SNTB2: variants seen among roughly 807,000 people sequenced by gnomAD.
SNTB2 encodes beta-2-syntrophin.
In SNTB2, 34 loss-of-function variants were observed where a neutral mutation model predicts 46.2. The ratio of observed to expected loss-of-function variants is 0.74; its 90% CI spans 0.56 to 0.98. The LOEUF is 0.98. SNTB2 is among the 50% of genes least tolerant of loss of function. The pLI, the probability that SNTB2 is intolerant of heterozygous loss-of-function variation, is 0.00. For synonymous variants in SNTB2, 290 were observed against 312.6 expected, an observed-to-expected ratio of 0.93 and a Z score of 0.76; for missense variants, 603 against 731.4, an observed-to-expected ratio of 0.82 and a Z score of 2.02.
At chr16:69,292,376 ATATTATAT>A in intron 5 of SNTB2, among the ~76,000 whole-genome samples, 1 of 39,608 alleles carries the variant, frequency 2.5e-5, no homozygotes, top group African/African-American at 1.1e-4. Context: ...ATATATATAT[ATATTATAT>A]ATATATTATA....
At chr16:69,191,956 T>A (rs1964059167) in intron 1 of SNTB2, among the ~76,000 whole-genome samples, 1 of 152,128 alleles carries the variant, frequency 6.6e-6, no homozygotes, top group East Asian at 1.9e-4. Context: ...TTGTTTTAAA[T>A]GGGAAAATAA....
intron 1 of SNTB2, among the ~76,000 whole-genome samples, chr16:69,243,901 A>G (rs753119273): frequency 6.6e-6 from 1 of 152,196 alleles, no homozygotes; most frequent in Non-Finnish European, 1.5e-5. Context: ...TTTTATTATT[A>G]TACTTAATTT....
At chr16:69,248,145 A>G (rs1451344023) in intron 2 of SNTB2, among the ~76,000 whole-genome samples, 2 of 152,190 alleles carry the variant, frequency 1.3e-5, no homozygotes, top group African/African-American at 4.8e-5. Context: ...TTAACTGACT[A>G]CTATGTAAAC....
At chr16:69,274,699 C>T (rs569877728) in intron 4 of SNTB2, among the ~76,000 whole-genome samples, 3 of 151,208 alleles carry the variant, frequency 2.0e-5, no homozygotes, top group Middle Eastern at 3.4e-3. Flanking sequence ...TGCCATGGCA[C>T]GTGCCTGTAA....
chr16:69,216,129 A>G (rs1964344960), intron 1 of SNTB2, among the ~76,000 whole-genome samples: 1 of 152,178 alleles, frequency 6.6e-6, no homozygotes, highest in Non-Finnish European at 1.5e-5. Context: ...TTATGTATAT[A>G]AGATAATACT....
chr16:69,284,980 T>C (rs558863572), intron 5 of SNTB2, among the ~76,000 whole-genome samples: 1 of 152,312 alleles, frequency 6.6e-6, no homozygotes, highest in East Asian at 1.9e-4. Flanking sequence ...TAACATACTA[T>C]GTAAGTTTGT....
chr16:69,306,487 G>C lies in SNTB2; in HGVS notation c.*5563G>C, dbSNP rs1038810035. The stretch of plus-strand genomic sequence containing the variant: ...ATATGCCTTTTGCAAATTATTGCTT[G>C]TTCTCCAGTGAACATTTGATCATAT... On this transcript the variant is annotated 3_prime_UTR_variant, in exon 7 of 7. Transcript: ENST00000336278. 1 of 152,192 alleles carries C rather than the reference G, an allele frequency of 6.6e-6. No homozygotes were observed. The highest frequency in any genetic ancestry group is 1.5e-5 in the Non-Finnish European group (1 of 68,040). 9.4% of individuals were successfully genotyped at this position (152,192 alleles called of 1,614,324 possible). A position where few individuals can be genotyped will look rare whatever the true frequency, so the allele number is the denominator to read the frequency against.
chr16:69,187,275 G>C lies in SNTB2; in HGVS notation c.109G>C (p.Val37Leu). 6.7e-7 allele frequency: 1 copy of C among 1,491,798 alleles called. No individual in the cohort carries two copies. The highest frequency in any genetic ancestry group is 8.9e-7 in the Non-Finnish European group (1 of 1,127,328). The allele number at this position is 1,491,798 out of a possible 1,614,324, so 92.4% of individuals were successfully genotyped here. ...LVELLLRERW[V>L]RVVAELSGES... is the part of the protein sequence containing the mutation. ...GGAGCTGCTCCTGAGGGAGCGCTGG[G>C]TCCGAGTGGTGGCCGAGCTGAGCGG... The change falls in exon 1 of 7, where the codon GTC becomes CTC. Residue 37 changes from valine (V) to leucine (L), a missense_variant. Val to Leu is a conservative substitution (Grantham distance 32, BLOSUM62 1). Coordinates refer to ENST00000336278, the MANE Select transcript of SNTB2 (RefSeq NM_006750.4).
intron 2 of SNTB2, among the ~76,000 whole-genome samples, chr16:69,255,940 C>T (rs1234597370): frequency 1.3e-5 from 2 of 150,982 alleles, no homozygotes; most frequent in Admixed American, 6.6e-5. Context: ...GTAATCCCAG[C>T]ACTTTGGGAA....
At chr16:69,206,827 GCA>G (rs1964224794) in intron 1 of SNTB2, among the ~76,000 whole-genome samples, 1 of 151,356 alleles carries the variant, frequency 6.6e-6, no homozygotes. Context: ...GTGCAGTGGC[GCA>G]ATCTCAGCTC....
chr16:69,265,610 C>T (rs535998414), intron 3 of SNTB2, among the ~76,000 whole-genome samples: 22 of 151,868 alleles, frequency 1.4e-4, no homozygotes, highest in Non-Finnish European at 7.4e-5. Flanking sequence ...AGGCGTATCA[C>T]GAGGTCAGGA....
intron 5 of SNTB2, among the ~76,000 whole-genome samples, chr16:69,290,447 G>A (rs568844957): frequency 5.9e-5 from 9 of 152,158 alleles, no homozygotes; most frequent in South Asian, 2.1e-4. Context: ...TAGGAATTAC[G>A]TTAATAAAAA....
intron 1 of SNTB2, 117 bp from the exon 2 acceptor site, chr16:69,245,485 G>A (rs998425585): frequency 4.4e-5 from 45 of 1,016,356 alleles, no homozygotes; most frequent in Admixed American, 2.7e-4. Flanking sequence ...GTGAGCCACC[G>A]CGCCCAGCTC....
chr16:69,230,094 A>G (rs927598932), intron 1 of SNTB2, among the ~76,000 whole-genome samples: 1 of 151,072 alleles, frequency 6.6e-6, no homozygotes, highest in Non-Finnish European at 1.5e-5. Context: ...GCCCGATGGC[A>G]TGTATTTAAG....
intron 3 of SNTB2, among the ~76,000 whole-genome samples, chr16:69,261,558 T>C (rs1433522124): frequency 1.3e-5 from 2 of 152,160 alleles, no homozygotes; most frequent in African/African-American, 4.8e-5. Flanking sequence ...AGTACAGTGA[T>C]CATTTCTATA....
At chr16:69,195,277 TA>T (rs1243462672) in intron 1 of SNTB2, among the ~76,000 whole-genome samples, 1 of 152,106 alleles carries the variant, frequency 6.6e-6, no homozygotes, top group African/African-American at 2.4e-5. Flanking sequence ...TTGTTGTTAT[TA>T]TTTTTTTTTA....
chr16:69,280,061 C>G (rs1597198164), intron 4 of SNTB2, among the ~76,000 whole-genome samples: 1 of 152,106 alleles, frequency 6.6e-6, no homozygotes, highest in African/African-American at 2.4e-5. Context: ...GTGGTGATGA[C>G]TCTTAACGAG....
intron 5 of SNTB2, among the ~76,000 whole-genome samples, chr16:69,284,493 T>TG (rs1433858204): frequency 1.2e-5 from 1 of 85,426 alleles, no homozygotes; most frequent in Non-Finnish European, 2.4e-5. Context: ...AAAAAAAAAA[T>TG]CCGTGCACAG....
intron 1 of SNTB2, among the ~76,000 whole-genome samples, chr16:69,220,839 A>G (rs1278656389): frequency 6.6e-6 from 1 of 152,060 alleles, no homozygotes; most frequent in Middle Eastern, 3.4e-3. Context: ...GCCCAGTTCT[A>G]TGTGTTTTGA....
Sources: gnomAD v4.1 joint callset for allele counts (sites outside exome capture counted in the v4.1 genomes callset) on GRCh38, gnomAD v4.1.1 for gene constraint, MANE v1.5 for transcripts, NCBI Gene and HGNC (gene_info 2026-07-23, HGNC 2026-07-21) for gene names.